Variants in CD2AP observed in about 807,000 individuals in gnomAD.
CD2AP encodes CD2-associated protein.
In CD2AP, 46 loss-of-function variants were observed where a neutral mutation model predicts 85.1. The observed-to-expected ratio is 0.54, with a 90% confidence interval of 0.43 to 0.69. CD2AP has a LOEUF of 0.69. Among genes scored for constraint, CD2AP ranks in the 30% least tolerant of loss-of-function variants. CD2AP has a pLI of 0.00. For missense variants in CD2AP, 769 were observed against 729.5 expected, an observed-to-expected ratio of 1.05 and a Z score of -0.62; for synonymous variants, 255 against 252.9, an observed-to-expected ratio of 1.01 and a Z score of -0.08.
chr6:47,479,142 A>AT (rs1196594122), intron 1 of CD2AP, among the ~76,000 whole-genome samples: 3 of 152,210 alleles, frequency 2.0e-5, no homozygotes, highest in Non-Finnish European at 2.9e-5. Flanking sequence ...CTTACAAAAA[A>AT]CAAAACACCC....
At chr6:47,568,293 A>G (rs142364152) in intron 5 of CD2AP, among the ~76,000 whole-genome samples, 19 of 152,316 alleles carry the variant, frequency 1.2e-4, no homozygotes, top group African/African-American at 4.6e-4. Context: ...CATGTTGGCT[A>G]TTCACTTTTG....
intron 2 of CD2AP, among the ~76,000 whole-genome samples, chr6:47,512,082 C>T (rs912603022): frequency 4.6e-5 from 7 of 151,968 alleles, no homozygotes; most frequent in African/African-American, 7.2e-5. Context: ...GGTGTGAAGC[C>T]GGGAGGCGGA....
rs1319980808 is a variant in CD2AP at position 47,626,886 on chromosome 6, G to A, written c.*2659G>A. 1 of 152,426 alleles carries A rather than the reference G, an allele frequency of 6.6e-6. No individual in the cohort carries two copies. Among genetic ancestry groups the A allele is most frequent in the Non-Finnish European group, 1.5e-5 (1 of 67,898 alleles). 9.4% of individuals were successfully genotyped at this position (152,426 alleles called of 1,614,324 possible). A position where few individuals can be genotyped will look rare whatever the true frequency, so the allele number is the denominator to read the frequency against. On this transcript the variant is annotated 3_prime_UTR_variant, in exon 18 of 18. Coordinates refer to ENST00000359314, the MANE Select transcript of CD2AP (RefSeq NM_012120.3). ...TTTGCTGTAGCAATAAAATGACCAA[G>A]TGCAATGACTTGATTTAATAAAATC... is the stretch of plus-strand genomic sequence containing the variant.
intron 11 of CD2AP, among the ~76,000 whole-genome samples, chr6:47,592,279 T>C (rs1482513463): frequency 1.3e-5 from 2 of 152,120 alleles, no homozygotes; most frequent in Non-Finnish European, 2.9e-5. Flanking sequence ...AACATTCTAG[T>C]ACTCACAGCT....
intron 4 of CD2AP, among the ~76,000 whole-genome samples, chr6:47,552,975 C>CT (rs1430646171): frequency 6.9e-6 from 1 of 145,866 alleles, no homozygotes; most frequent in African/African-American, 2.6e-5. Context: ...TTGTCATTTC[C>CT]TTTTGGGGGG....
intron 1 of CD2AP, among the ~76,000 whole-genome samples, chr6:47,482,142 C>G (rs1765461949): frequency 6.6e-6 from 1 of 152,154 alleles, no homozygotes; most frequent in South Asian, 2.1e-4. Flanking sequence ...TCAGGATTTA[C>G]TTCAATTAAA....
intron 1 of CD2AP, among the ~76,000 whole-genome samples, chr6:47,494,666 C>T (rs1765813774): frequency 6.6e-6 from 1 of 152,122 alleles, no homozygotes; most frequent in South Asian, 2.1e-4. Flanking sequence ...CTGGCAGTAC[C>T]ATAAAACCCA....
intron 11 of CD2AP, among the ~76,000 whole-genome samples, chr6:47,583,259 T>C (rs922376194): frequency 5.9e-5 from 9 of 152,324 alleles, no homozygotes; most frequent in Middle Eastern, 3.4e-3. Context: ...CCTTCCTACA[T>C]TGACACTTCT....
At chr6:47,581,462 TC>T in intron 10 of CD2AP, among the ~76,000 whole-genome samples, 1 of 152,288 alleles carries the variant, frequency 6.6e-6, no homozygotes, top group South Asian at 2.1e-4. Flanking sequence ...TTAGAATAAT[TC>T]AAGTCTTTTT....
intron 12 of CD2AP, among the ~76,000 whole-genome samples, chr6:47,597,227 C>A (rs1041744439): frequency 2.7e-5 from 4 of 150,760 alleles, no homozygotes; most frequent in African/African-American, 9.7e-5. Context: ...GTTTGTGCTG[C>A]TAGGCATCAT....
In CD2AP at chr6:47,577,103, G is replaced by A; in HGVS notation, c.903G>A (p.Lys301=). 1.4e-6 allele frequency: 2 copies of A among 1,460,340 alleles called. No homozygotes were observed. Among genetic ancestry groups the A allele is most frequent in the Non-Finnish European group, 1.9e-6 (2 of 1,040,722 alleles). 90.5% of individuals were successfully genotyped at this position (1,460,340 alleles called of 1,614,324 possible). A position where few individuals can be genotyped will look rare whatever the true frequency, so the allele number is the denominator to read the frequency against. The change falls in exon 8 of 18, where the codon AAG becomes AAA. Residue 301 remains lysine, a splice_region_variant and synonymous_variant. Transcript: ENST00000359314. ...GGGAGATAATCCATTTGATAAGTAAGGTAAGGTGTTTCTGTTTTTCAGTGA... is the reference window on the plus strand; with the variant it reads ...GGGAGATAATCCATTTGATAAGTAAAGTAAGGTGTTTCTGTTTTTCAGTGA... ...KEGEIIHLIS[K]ETGEAGWWRG...
intron 2 of CD2AP, among the ~76,000 whole-genome samples, chr6:47,505,532 T>A (rs1471346914): frequency 6.7e-6 from 1 of 149,674 alleles, no homozygotes; most frequent in Non-Finnish European, 1.5e-5. Context: ...CCGTTCTCAA[T>A]GAGCCGTTGG....
chr6:47,505,907 C>CA (rs1766147750), intron 2 of CD2AP, among the ~76,000 whole-genome samples: 1 of 116,152 alleles, frequency 8.6e-6, no homozygotes, highest in Non-Finnish European at 1.9e-5. Flanking sequence ...GGCTGACCCC[C>CA]CCCACCTCCC....
chr6:47,495,672 A>T (rs1765841720), intron 1 of CD2AP, among the ~76,000 whole-genome samples: 1 of 152,094 alleles, frequency 6.6e-6, no homozygotes, highest in African/African-American at 2.4e-5. Flanking sequence ...CAATTTTCTA[A>T]TGGGTCCAAG....
intron 4 of CD2AP, among the ~76,000 whole-genome samples, chr6:47,548,395 C>A (rs1181197049): frequency 6.6e-6 from 1 of 152,060 alleles, no homozygotes. Flanking sequence ...CACAGAAATA[C>A]AAAAGGTCAT....
chr6:47,599,493 A>G (rs75562622), intron 13 of CD2AP, 50 bp downstream of exon 13: 2 of 1,527,582 alleles, frequency 1.3e-6, no homozygotes, highest in African/African-American at 1.4e-5. Flanking sequence ...AAATTGTCAA[A>G]GAAACTCTTT....
chr6:47,585,142 A>AT (rs1768587881), intron 11 of CD2AP, among the ~76,000 whole-genome samples: 1 of 148,212 alleles, frequency 6.7e-6, no homozygotes, highest in Admixed American at 6.8e-5. Context: ...AAATAAAATA[A>AT]AAAAAAAAAA....
At chr6:47,511,913 C>T (rs1233472351) in intron 2 of CD2AP, among the ~76,000 whole-genome samples, 1 of 152,026 alleles carries the variant, frequency 6.6e-6, no homozygotes, top group Non-Finnish European at 1.5e-5. Flanking sequence ...AATCCCAGCA[C>T]TTTGGGAGGC....
intron 4 of CD2AP, among the ~76,000 whole-genome samples, chr6:47,549,700 G>GA (rs1294071754): frequency 6.6e-6 from 1 of 151,932 alleles, no homozygotes; most frequent in African/African-American, 2.4e-5. Context: ...CACAGAATTA[G>GA]AAAAAACAAT....
Sources: gnomAD v4.1 joint callset for allele counts (sites outside exome capture counted in the v4.1 genomes callset) on GRCh38, gnomAD v4.1.1 for gene constraint, MANE v1.5 for transcripts, NCBI Gene and HGNC (gene_info 2026-07-23, HGNC 2026-07-21) for gene names.